The following IARS2 variants were observed in gnomAD, a reference collection of about 807,000 sequenced individuals.
IARS2 encodes isoleucine--tRNA ligase, mitochondrial.
In IARS2, 56 loss-of-function variants were observed where a neutral mutation model predicts 126.3. The ratio of observed to expected loss-of-function variants is 0.44; its 90% CI spans 0.36 to 0.55. The LOEUF (loss-of-function observed/expected upper bound fraction) is 0.55. Among genes scored for constraint, IARS2 ranks in the 20% least tolerant of loss-of-function variants. The pLI, the probability that IARS2 is intolerant of heterozygous loss-of-function variation, is 0.00. For synonymous variants in IARS2, 407 were observed against 441.1 expected (o/e 0.92, Z 0.97); for missense variants, 1,127 against 1,245.9 (o/e 0.90, Z 1.44).
intron 15 of IARS2, 43 bp from the exon 16 acceptor site, chr1:220,136,760 GATAATT>G: frequency 1.0e-6 from 1 of 976,284 alleles, no homozygotes; most frequent in South Asian, 1.6e-5. Context: ...TCTTCAAAAA[GATAATT>G]ATAATTGTGT....
chr1:220,147,891 A>T lies in IARS2; in HGVS notation c.*256A>T. 1 of 454,762 alleles carries T rather than the reference A, an allele frequency of 2.2e-6. No individual in the cohort carries two copies. The highest frequency in any genetic ancestry group is 3.9e-6 in the Non-Finnish European group (1 of 257,038). 28.2% of individuals were successfully genotyped at this position (454,762 alleles called of 1,614,324 possible). On this transcript the variant is annotated 3_prime_UTR_variant, in exon 23 of 23. Transcript: ENST00000366922. ...GATATATGTATATCTCTTCCTATATATATCCATAGTGGACTTATTCAGAAC... is the reference window on the plus strand; with the variant it reads ...GATATATGTATATCTCTTCCTATATTTATCCATAGTGGACTTATTCAGAAC...
chr1:220,102,368 G>C lies in IARS2; in HGVS notation c.705G>C (p.Leu235Phe). The change falls in exon 5 of 23, where the codon TTG becomes TTC. Residue 235 changes from leucine (L) to phenylalanine (F), a missense_variant. Coordinates refer to ENST00000366922, the MANE Select transcript of IARS2 (RefSeq NM_018060.4). ...RTFYQMYDKG[L>F]VYRSYKPVFW... ...CATATTTTTGTCTTTTATAGGGCTT[G>C]GTTTATCGATCTTACAAACCTGTGT... is the stretch of plus-strand genomic sequence containing the variant. 2 of 1,613,676 alleles carry C rather than the reference G, an allele frequency of 1.2e-6. No homozygotes were observed. The highest frequency in any genetic ancestry group is 1.7e-6 in the Non-Finnish European group (2 of 1,179,916).
At chr1:220,100,058 C>G (rs535275641) in intron 2 of IARS2, among the ~76,000 whole-genome samples, 5 of 152,122 alleles carry the variant, frequency 3.3e-5, no homozygotes, top group Non-Finnish European at 7.4e-5. Flanking sequence ...CTCCATTCAA[C>G]TATAGTAATA....
intron 11 of IARS2, among the ~76,000 whole-genome samples, chr1:220,111,598 A>ATATATG (rs374024744): frequency 0.045 from 6,079 of 134,486 alleles, 178 homozygotes; most frequent in Middle Eastern, 0.073. Flanking sequence ...ATATATATAT[A>ATATATG]TGTGTGTGTG....
At chr1:220,137,240 A>G (rs1400515556) in intron 16 of IARS2, among the ~76,000 whole-genome samples, 1 of 152,176 alleles carries the variant, frequency 6.6e-6, no homozygotes, top group Non-Finnish European at 1.5e-5. Flanking sequence ...AAACCTTGTT[A>G]CAGTGTTGGC....
rs1381402052 is a variant in IARS2 at position 220,102,347 on chromosome 1, T to G, written c.700-16T>G. The G allele has an allele frequency of 3.1e-6, 5 of 1,612,952 alleles. No individual in the cohort carries two copies. Among genetic ancestry groups the G allele is most frequent in the South Asian group, 1.1e-5 (1 of 90,682 alleles). On this transcript the variant is annotated splice_polypyrimidine_tract_variant and intron_variant, in intron 4 of 22. Transcript: ENST00000366922. Reference sequence around the variant, plus strand: ...ACAAGATTCTACTTTTAACATCATATTTTTGTCTTTTATAGGGCTTGGTTT... The same window carrying G: ...ACAAGATTCTACTTTTAACATCATAGTTTTGTCTTTTATAGGGCTTGGTTT...
intron 1 of IARS2, among the ~76,000 whole-genome samples, chr1:220,095,472 A>G (rs1001650587): frequency 2.6e-5 from 4 of 152,240 alleles, no homozygotes; most frequent in Non-Finnish European, 5.9e-5. Context: ...ATAAGAGTTC[A>G]TCTAATTTTT....
At chr1:220,141,165 C>T (rs552285584) in intron 19 of IARS2, among the ~76,000 whole-genome samples, 1 of 152,256 alleles carries the variant, frequency 6.6e-6, no homozygotes, top group Admixed American at 6.5e-5. Flanking sequence ...GTGCTTAAAG[C>T]TGTGCTTGAT....
chr1:220,145,503 T>A lies in IARS2; in HGVS notation c.2752-6T>A, dbSNP rs1420447712. 1.9e-6 allele frequency: 3 copies of A among 1,598,212 alleles called. No homozygotes were observed. The highest frequency in any genetic ancestry group is 1.3e-5 in the African/African-American group (1 of 74,410). On this transcript the variant is annotated splice_region_variant and splice_polypyrimidine_tract_variant and intron_variant, in intron 21 of 22. Transcript: ENST00000366922. ...TAAACTGTAACTTTCACATGCTTCCTTCCAGATGCTGCAGTCTGAAGAGAC... is the reference window on the plus strand; with the variant it reads ...TAAACTGTAACTTTCACATGCTTCCATCCAGATGCTGCAGTCTGAAGAGAC...
intron 13 of IARS2, among the ~76,000 whole-genome samples, chr1:220,126,436 C>T (rs1023776992): frequency 6.6e-6 from 1 of 152,062 alleles, no homozygotes; most frequent in African/African-American, 2.4e-5. Context: ...GTACATCAGG[C>T]CTTTGTAGGA....
chr1:220,143,336 T>TA (rs776345609), intron 21 of IARS2: 12 of 358,806 alleles, frequency 3.3e-5, no homozygotes, highest in East Asian at 8.5e-5. Flanking sequence ...CATGCACATT[T>TA]AAAAAAAAGT....
intron 12 of IARS2, among the ~76,000 whole-genome samples, chr1:220,115,866 C>A (rs1326326941): frequency 6.6e-6 from 1 of 152,112 alleles, no homozygotes; most frequent in Admixed American, 6.6e-5. Context: ...ATAATAAATG[C>A]AAACTACTTG....
intron 3 of IARS2, among the ~76,000 whole-genome samples, chr1:220,101,079 G>A (rs952580218): frequency 3.3e-5 from 5 of 151,886 alleles, no homozygotes; most frequent in African/African-American, 1.2e-4. Flanking sequence ...TTTCTTATAT[G>A]TTATACTATT....
intron 19 of IARS2, among the ~76,000 whole-genome samples, chr1:220,140,601 TCAA>T (rs1657466679): frequency 2.0e-5 from 3 of 151,620 alleles, no homozygotes; most frequent in Admixed American, 2.0e-4. Context: ...CAACAAAACC[TCAA>T]CAAGTATTTT....
intron 16 of IARS2, among the ~76,000 whole-genome samples, chr1:220,137,211 T>C (rs571280760): frequency 2.0e-5 from 3 of 152,310 alleles, no homozygotes; most frequent in Non-Finnish European, 1.5e-5. Context: ...CGCACTATTG[T>C]GTGAGGTGTG....
At chr1:220,140,983 CAAAA>C (rs555848103) in intron 19 of IARS2, among the ~76,000 whole-genome samples, 5 of 69,224 alleles carry the variant, frequency 7.2e-5, no homozygotes, top group Non-Finnish European at 5.7e-5. Context: ...GACTCCGTCT[CAAAA>C]AAAAAAAAAA....
Position 220,125,310 on chromosome 1 carries a change from C to T in IARS2, c.1714C>T (p.Gln572Ter), listed in dbSNP as rs765179022. ...TATCTGGTGGACTCTTCCCCCTGAA[C>T]AACTTCTTCCAAAAGAAGTCTTATC... ...SDIWWTLPPEQLLPKEVLSEV... is the reference protein window; with the variant it reads ...SDIWWTLPPE Residue 572 changes from glutamine to a stop codon, truncating the protein, a stop_gained, in exon 13 of 23, where the codon CAA (glutamine) becomes TAA (stop). Transcript: ENST00000366922. LOFTEE classifies it high-confidence loss of function. The T allele has an allele frequency of 3.1e-6, 5 of 1,612,912 alleles. No individual in the cohort carries two copies. The highest frequency in any genetic ancestry group is 4.2e-6 in the Non-Finnish European group (5 of 1,179,108).
chr1:220,125,321 A>G lies in IARS2; in HGVS notation c.1725A>G (p.Pro575=). 1 of 1,609,952 alleles carries G rather than the reference A, an allele frequency of 6.2e-7. No homozygotes were observed. The highest frequency in any genetic ancestry group is 8.5e-7 in the Non-Finnish European group (1 of 1,176,266). The change falls in exon 13 of 23, where the codon CCA becomes CCG. Residue 575 remains proline (P), a synonymous_variant. Coordinates refer to ENST00000366922, the MANE Select transcript of IARS2 (RefSeq NM_018060.4). The stretch of plus-strand genomic sequence containing the variant: ...CTCTTCCCCCTGAACAACTTCTTCC[A>G]AAAGAAGTCTTATCTGAGGTAAATT... The part of the protein sequence containing the change: ...WWTLPPEQLL[P]KEVLSEVGGP...
At chr1:220,128,595 G>A (rs1474011733) in intron 14 of IARS2, among the ~76,000 whole-genome samples, 1 of 152,134 alleles carries the variant, frequency 6.6e-6, no homozygotes, top group Non-Finnish European at 1.5e-5. Flanking sequence ...GAAAATGCAG[G>A]TCAATACCAC....
Sources: allele counts gnomAD v4.1 joint callset (sites outside exome capture counted in the v4.1 genomes callset), GRCh38; gene constraint gnomAD v4.1.1; transcripts MANE v1.5; gene names NCBI Gene and HGNC (gene_info 2026-07-23, HGNC 2026-07-21).